The following ZNF710 variants were observed in gnomAD, a reference collection of about 807,000 sequenced individuals.
ZNF710 encodes the protein zinc finger protein 710.
Under a neutral mutation model 50.6 loss-of-function variants are expected in ZNF710, and 13 were observed. The ratio of observed to expected loss-of-function variants is 0.26; its 90% CI spans 0.17 to 0.41. ZNF710 has a LOEUF of 0.41. Ranked by LOEUF, ZNF710 falls within the 10% of genes least tolerant of loss-of-function variation. The pLI, the probability that ZNF710 is intolerant of heterozygous loss-of-function variation, is 1.00. For missense variants in ZNF710, 721 were observed against 936.6 expected, an observed-to-expected ratio of 0.77 and a Z score of 3.01; for synonymous variants, 383 against 397.0, an observed-to-expected ratio of 0.96 and a Z score of 0.42.
At chr15:90,053,692 C>A (rs1314924227) in intron 1 of ZNF710, among the ~76,000 whole-genome samples, 1 of 152,124 alleles carries the variant, frequency 6.6e-6, no homozygotes, top group Non-Finnish European at 1.5e-5. Context: ...ACTGGCTTAC[C>A]CCCTGCTCTA....
At position 90,077,634 on chromosome 15, in the gene ZNF710, A is replaced by AT. The variant is rs1900624883; in HGVS notation, c.1826-2025dup. Among the ~76,000 whole-genome samples, 5 of 152,276 alleles carry AT rather than the reference A, an allele frequency of 3.3e-5. No homozygotes were observed. The South Asian group carries it at 1.0e-3, about 32-fold the overall frequency. On this transcript the variant is annotated intron_variant, in intron 4 of 4. Coordinates refer to ENST00000268154, the MANE Select transcript of ZNF710 (RefSeq NM_198526.4). ...CTGAGGGAAGAAACAGCCCAAATCTATAAGATATGGGTCAAGTGACCTTGT... is the reference window on the plus strand; with the variant it reads ...CTGAGGGAAGAAACAGCCCAAATCTATTAAGATATGGGTCAAGTGACCTTGT...
At chr15:90,051,748 C>G (rs1297329563) in intron 1 of ZNF710, among the ~76,000 whole-genome samples, 1 of 152,194 alleles carries the variant, frequency 6.6e-6, no homozygotes, top group Non-Finnish European at 1.5e-5. Flanking sequence ...ACTCCTGTGC[C>G]TTGGTTTCCT....
chr15:90,013,195 G>C (rs1033625235), intron 1 of ZNF710, among the ~76,000 whole-genome samples: 3 of 152,086 alleles, frequency 2.0e-5, no homozygotes, highest in African/African-American at 7.2e-5. Context: ...ACCTCCCCCG[G>C]GTTCAAGTGA....
intron 1 of ZNF710, among the ~76,000 whole-genome samples, chr15:90,013,014 G>C (rs1898356228): frequency 6.6e-6 from 1 of 152,092 alleles, no homozygotes; most frequent in South Asian, 2.1e-4. Context: ...AATTATAGTT[G>C]TATTGTTTGA....
rs2151543225 is a variant in ZNF710 at position 90,080,003 on chromosome 15, A to G, written c.*174A>G. 1.7e-6 allele frequency: 1 copy of G among 583,554 alleles called. No homozygotes were observed. Among genetic ancestry groups the G allele is most frequent in the African/African-American group, 2.0e-5 (1 of 51,000 alleles). 36.1% of individuals were successfully genotyped at this position (583,554 alleles called of 1,614,324 possible). A position where few individuals can be genotyped will look rare whatever the true frequency, so the allele number is the denominator to read the frequency against. The stretch of plus-strand genomic sequence containing the variant: ...GACCTTTAGACCAAATGGAGACTGT[A>G]CTACTGGCCCCGGCTGTGAGCCAGC... On this transcript the variant is annotated 3_prime_UTR_variant, in exon 5 of 5. Coordinates refer to ENST00000268154, the MANE Select transcript of ZNF710 (RefSeq NM_198526.4).
chr15:90,073,032 C>A, intron 2 of ZNF710, 39 bp from the exon 3 acceptor site: 1 of 1,592,968 alleles, frequency 6.3e-7, no homozygotes, highest in Non-Finnish European at 8.6e-7. Context: ...AGAGGCTGTG[C>A]CCATTGTGTG....
chr15:90,016,386 T>C (rs1898456791), intron 1 of ZNF710, among the ~76,000 whole-genome samples: 1 of 152,186 alleles, frequency 6.6e-6, no homozygotes, highest in African/African-American at 2.4e-5. Flanking sequence ...TTGAATTCAG[T>C]CCTGACTCCA....
At chr15:90,030,977 C>T (rs1898924956) in intron 1 of ZNF710, among the ~76,000 whole-genome samples, 1 of 137,150 alleles carries the variant, frequency 7.3e-6, no homozygotes, top group African/African-American at 2.8e-5. Context: ...CGAGATCCCG[C>T]CACTGCACTC....
chr15:90,078,731 T>TA lies in ZNF710; in HGVS notation c.1826-928dup, dbSNP rs771939238. Among the ~76,000 whole-genome samples the TA allele has an allele frequency of 8.2e-4, 125 of 152,266 alleles. 1 individual carries two copies. Among genetic ancestry groups the TA allele is most frequent in the Non-Finnish European group, 1.3e-3 (89 of 68,006 alleles). Reference sequence around the variant, plus strand: ...ACAGGACAGCCTCACAACAAAGAATTATGGCCCTAAGTGCCAAGGTTGAGA... The same window carrying TA: ...ACAGGACAGCCTCACAACAAAGAATTAATGGCCCTAAGTGCCAAGGTTGAGA... On this transcript the variant is annotated intron_variant, in intron 4 of 4. Transcript: ENST00000268154.
intron 2 of ZNF710, among the ~76,000 whole-genome samples, chr15:90,070,193 G>A (rs529489583): frequency 5.5e-4 from 84 of 152,258 alleles, no homozygotes; most frequent in African/African-American, 2.0e-3. Context: ...TGCCTAAAAT[G>A]TAATGTCAAG....
At chr15:90,024,180 A>G (rs1459879549) in intron 1 of ZNF710, among the ~76,000 whole-genome samples, 1 of 152,126 alleles carries the variant, frequency 6.6e-6, no homozygotes, top group East Asian at 1.9e-4. Flanking sequence ...AGAAAACAAG[A>G]TGCTCCACTG....
chr15:90,019,257 C>G (rs1233189762), intron 1 of ZNF710, among the ~76,000 whole-genome samples: 1 of 146,578 alleles, frequency 6.8e-6, no homozygotes, highest in Admixed American at 6.9e-5. Flanking sequence ...GGTTAAGCAG[C>G]CTCCGTCAAG....
intron 1 of ZNF710, among the ~76,000 whole-genome samples, chr15:90,037,417 G>C (rs1283117116): frequency 6.6e-6 from 1 of 152,194 alleles, no homozygotes; most frequent in Non-Finnish European, 1.5e-5. Context: ...TGATGGGAAG[G>C]CTGCCTTGCT....
At position 90,045,341 on chromosome 15, in the gene ZNF710, G is replaced by A. The variant is rs74406627; in HGVS notation, c.-28-21769G>A. The stretch of plus-strand genomic sequence containing the variant: ...CAGAAAGAAGGAAGCTGGAAATGGC[G>A]GATGGCTTCAAGGACGTGAGCCATG... On this transcript the variant is annotated intron_variant, in intron 1 of 4. Coordinates refer to ENST00000268154, the MANE Select transcript of ZNF710 (RefSeq NM_198526.4). 3.2e-3 allele frequency: 3,122 copies of A among 985,402 alleles called. 5 individuals are homozygous for A. The highest frequency in any genetic ancestry group is 3.6e-3 in the Non-Finnish European group (3,007 of 829,910). 61.0% of individuals were successfully genotyped at this position (985,402 alleles called of 1,614,324 possible). A position where few individuals can be genotyped will look rare whatever the true frequency, so the allele number is the denominator to read the frequency against.
chr15:90,080,083 T>C lies in ZNF710; in HGVS notation c.*254T>C. 2.6e-6 allele frequency: 1 copy of C among 383,092 alleles called. No homozygotes were observed. The highest frequency in any genetic ancestry group is 4.6e-6 in the Non-Finnish European group (1 of 215,508). The allele number at this position is 383,092 out of a possible 1,614,324, so 23.7% of individuals were successfully genotyped here. A position where few individuals can be genotyped will look rare whatever the true frequency, so the allele number is the denominator to read the frequency against. ...AGAACACGCGAGGCCCAGATCTGGGTCTCCCTGGCCTGCTTCCGTGGGGAG... is the reference window on the plus strand; with the variant it reads ...AGAACACGCGAGGCCCAGATCTGGGCCTCCCTGGCCTGCTTCCGTGGGGAG... On this transcript the variant is annotated 3_prime_UTR_variant, in exon 5 of 5. Transcript: ENST00000268154.
intron 1 of ZNF710, among the ~76,000 whole-genome samples, chr15:90,012,880 G>A (rs991577188): frequency 1.1e-4 from 16 of 150,728 alleles, no homozygotes; most frequent in Non-Finnish European, 1.5e-4. Context: ...AAATATGCTC[G>A]GTCTTTTAAA....
chr15:90,010,862 C>T (rs1264767881), intron 1 of ZNF710, among the ~76,000 whole-genome samples: 2 of 151,348 alleles, frequency 1.3e-5, no homozygotes, highest in African/African-American at 4.9e-5. Flanking sequence ...GTAATTCTCT[C>T]TCCTCAGCCT....
chr15:90,018,557 C>G (rs996364624), intron 1 of ZNF710, among the ~76,000 whole-genome samples: 47 of 152,212 alleles, frequency 3.1e-4, no homozygotes, highest in African/African-American at 1.1e-3. Flanking sequence ...TTTTTCGCCT[C>G]CTCTTTGAAT....
chr15:90,036,194 C>T (rs1372059202), intron 1 of ZNF710, among the ~76,000 whole-genome samples: 2 of 152,014 alleles, frequency 1.3e-5, no homozygotes, highest in Middle Eastern at 3.4e-3. Context: ...TTGAGACTCC[C>T]CTCCCGTTCC....
Sources: gnomAD v4.1 joint callset for allele counts (sites outside exome capture counted in the v4.1 genomes callset) on GRCh38, gnomAD v4.1.1 for gene constraint, MANE v1.5 for transcripts, NCBI Gene and HGNC (gene_info 2026-07-23, HGNC 2026-07-21) for gene names.